TMEM63A: variants seen among roughly 807,000 people sequenced by gnomAD.
The protein encoded by TMEM63A is mechanosensitive cation channel TMEM63A.
A neutral mutation model predicts 100.6 loss-of-function variants in TMEM63A; 76 were observed. The ratio of observed to expected loss-of-function variants is 0.76; its 90% confidence interval spans 0.63 to 0.91. TMEM63A has a LOEUF of 0.91. Ranked by LOEUF, TMEM63A falls within the 40% of genes least tolerant of loss-of-function variation. The pLI, the probability that TMEM63A is intolerant of heterozygous loss-of-function variation, is 0.00. For missense variants in TMEM63A, 876 were observed against 1,008.8 expected (o/e 0.87, Z 1.78); for synonymous variants, 401 against 401.1 (o/e 1.00, Z 0.00).
chr1:225,852,647 G>A lies in TMEM63A; in HGVS notation c.1903+17C>T, dbSNP rs771637430. Reference sequence around the variant, plus strand: ...CATGTACCCATGTACCCTGGGACAGGCTCCAGGGCCACTCACCAAATGGCG... The same window carrying A: ...CATGTACCCATGTACCCTGGGACAGACTCCAGGGCCACTCACCAAATGGCG... On this transcript the variant is annotated intron_variant, in intron 20 of 24. Transcript: ENST00000366835. 4.3e-5 allele frequency: 70 copies of A among 1,611,370 alleles called. No individual in the cohort carries two copies. In the South Asian group the frequency reaches 6.4e-4, roughly 15 times the overall value.
At chr1:225,864,173 C>CT (rs945730428) in intron 10 of TMEM63A, 6 of 152,152 alleles carry the variant, frequency 3.9e-5, no homozygotes, top group Admixed American at 3.9e-4. Context: ...GCAATACCCC[C>CT]TCACCATACA....
At chr1:225,866,730 G>A (rs750491020) in intron 8 of TMEM63A, 48 bp from the exon 9 acceptor site, 1 of 1,572,356 alleles carries the variant, frequency 6.4e-7, no homozygotes, top group Non-Finnish European at 8.7e-7. Context: ...CAGGCAGGGA[G>A]CTGGGGGTGC....
Position 225,867,186 on chromosome 1 carries a change from A to T in TMEM63A, c.515-23T>A. ...TGTCTGCAGAGAAGCACAGATACTT[A>T]GTTCCAGGGTCATGTGGGGAAGCAG... On this transcript the variant is annotated intron_variant, in intron 7 of 24. Coordinates refer to ENST00000366835, the MANE Select transcript of TMEM63A (RefSeq NM_014698.3). This position sits in a 1 kb window ranked among gnomAD's most constrained non-coding sequence, Gnocchi z 4.6. The T allele has an allele frequency of 6.2e-7, 1 of 1,613,920 alleles. No homozygotes were observed. Among genetic ancestry groups the T allele is most frequent in the Admixed American group, 1.7e-5 (1 of 60,014 alleles).
chr1:225,857,873 AT>A (rs1669723152), intron 15 of TMEM63A, among the ~76,000 whole-genome samples: 1 of 152,238 alleles, frequency 6.6e-6, no homozygotes, highest in Non-Finnish European at 1.5e-5. Flanking sequence ...AGGAATGCAT[AT>A]TTATAATACC....
At chr1:225,844,475 G>A (rs752708943), downstream of TMEM63A, 1 of 1,614,090 alleles carries the variant, frequency 6.2e-7, no homozygotes, top group South Asian at 1.1e-5. Context: ...CTGAGAGTGG[G>A]GCTTTGTGTT....
chr1:225,845,440 C>T, downstream of TMEM63A: 1 of 1,348,902 alleles, frequency 7.4e-7, no homozygotes, highest in Non-Finnish European at 1.0e-6. Flanking sequence ...AATGAGTTTG[C>T]CTCCGTCCCC....
rs1195097528 is a variant in TMEM63A at position 225,862,164 on chromosome 1, C to G, written c.1085+54G>C. The G allele has an allele frequency of 6.2e-7, 1 of 1,605,166 alleles. No individual in the cohort carries two copies. Among genetic ancestry groups the G allele is most frequent in the African/African-American group, 1.3e-5 (1 of 74,878 alleles). ...CCACTCGAGAGGGACAGTGAGTTAT[C>G]TGGAGGGGAACAGGGAGTCAGCCAA... On this transcript the variant is annotated intron_variant, in intron 13 of 24. Transcript: ENST00000366835. The surrounding 1 kb of genome is among the most constrained non-coding windows in gnomAD (Gnocchi z 5.1).
chr1:225,844,573 C>A (rs558420728), downstream of TMEM63A: 13 of 1,614,176 alleles, frequency 8.1e-6, no homozygotes, highest in South Asian at 1.4e-4. Flanking sequence ...CCTCCCAGCG[C>A]TTCTACAAGG....
intron 21 of TMEM63A, 100 bp from the exon 22 acceptor site, chr1:225,849,112 C>G (rs545791385): frequency 6.8e-6 from 6 of 878,148 alleles, no homozygotes; most frequent in Non-Finnish European, 1.1e-5. Context: ...GGAAACTGCC[C>G]GTGACTTCTC....
chr1:225,845,050 GCT>G, downstream of TMEM63A: 1 of 1,327,656 alleles, frequency 7.5e-7, no homozygotes, highest in Non-Finnish European at 1.1e-6. Flanking sequence ...GGGTGGGCCA[GCT>G]GATCTCACCC....
chr1:225,845,035 C>A, downstream of TMEM63A: 2 of 1,172,372 alleles, frequency 1.7e-6, no homozygotes, highest in South Asian at 1.2e-5. Flanking sequence ...TTTATGGCTC[C>A]TTGTGGGTGG....
downstream of TMEM63A, chr1:225,844,681 AGTCTTGG>A (rs1668778668): frequency 5.0e-6 from 8 of 1,607,608 alleles, no homozygotes; most frequent in East Asian, 1.8e-4. Flanking sequence ...GGGGACGGCC[AGTCTTGG>A]GCTCCACGAA....
At chr1:225,850,142 T>C in intron 20 of TMEM63A, 63 bp from the exon 21 acceptor site, 1 of 1,571,362 alleles carries the variant, frequency 6.4e-7, no homozygotes, top group Non-Finnish European at 8.7e-7. Context: ...TCTGTCCTCT[T>C]CCTCTCCGGG....
chr1:225,856,847 G>A, intron 16 of TMEM63A, 64 bp downstream of exon 16: 4 of 1,586,786 alleles, frequency 2.5e-6, no homozygotes, highest in Admixed American at 1.8e-5. Flanking sequence ...GTTAGGGTGT[G>A]GACAAGGGAG....
chr1:225,842,207 A>G (rs1272532580), downstream of TMEM63A, among the ~76,000 whole-genome samples: 14 of 152,198 alleles, frequency 9.2e-5, no homozygotes, highest in Non-Finnish European at 2.1e-4. Context: ...TAAGGAAGCG[A>G]GGCATGTGAG....
At chr1:225,869,950 C>T (rs1259652232) in intron 6 of TMEM63A, among the ~76,000 whole-genome samples, 3 of 151,970 alleles carry the variant, frequency 2.0e-5, no homozygotes, top group African/African-American at 7.2e-5. Context: ...CGTCAGCCAC[C>T]GCAGCCGGCC....
chr1:225,848,498 C>G lies in TMEM63A; in HGVS notation c.2244G>C (p.Pro748=). 1 of 1,614,082 alleles carries G rather than the reference C, an allele frequency of 6.2e-7. No homozygotes were observed. The highest frequency in any genetic ancestry group is 8.5e-7 in the Non-Finnish European group (1 of 1,180,004). The part of the protein sequence containing the change: ...GSEAEAHMPP[P]FTPYVPRILN... The stretch of plus-strand genomic sequence containing the variant: ...GCTGAGGGGCACAGCTTACTGTGAA[C>G]GGTGGGGGCATGTGGGCCTCTGCCT... The change falls in exon 23 of 25, where the codon CCG becomes CCC. Residue 748 remains proline, a synonymous_variant. Transcript: ENST00000366835.
intron 5 of TMEM63A, chr1:225,871,620 T>C: frequency 3.6e-6 from 1 of 279,080 alleles, no homozygotes. Context: ...AAACACCTAC[T>C]ATGCATCAGG....
intron 2 of TMEM63A, among the ~76,000 whole-genome samples, chr1:225,878,879 CCTACCT>C (rs1305708077): frequency 3.9e-5 from 4 of 103,090 alleles, no homozygotes; most frequent in African/African-American, 7.6e-5. Context: ...TACCTACCTA[CCTACCT>C]ACACACACAC....
Sources: allele counts gnomAD v4.1 joint callset (sites outside exome capture counted in the v4.1 genomes callset), GRCh38; gene constraint gnomAD v4.1.1; non-coding constraint Gnocchi (gnomAD v3.1); transcripts MANE v1.5; gene names NCBI Gene and HGNC (gene_info 2026-07-23, HGNC 2026-07-21).